KLHL29: variants seen among roughly 807,000 people sequenced by gnomAD.
KLHL29 encodes kelch like family member 29, also known as kelch-like protein 29.
A neutral mutation model predicts 80.4 loss-of-function variants in KLHL29; 21 were observed. The ratio of observed to expected loss-of-function variants is 0.26; its 90% CI spans 0.19 to 0.38. KLHL29 has a LOEUF of 0.38. Ranked by LOEUF, KLHL29 falls within the 10% of genes least tolerant of loss-of-function variation. The pLI is 1.00. For synonymous variants in KLHL29, 511 were observed against 526.8 expected, an observed-to-expected ratio of 0.97 and a Z score of 0.41; for missense variants, 867 against 1,223.9, an observed-to-expected ratio of 0.71 and a Z score of 4.35.
At chr2:23,476,644 G>A (rs1290349620) in intron 2 of KLHL29, among the ~76,000 whole-genome samples, 2 of 152,268 alleles carry the variant, frequency 1.3e-5, no homozygotes, top group Middle Eastern at 3.4e-3. Context: ...CCCTAACGAT[G>A]GACATTTAGC....
chr2:23,597,301 A>ATGTGTGTGTG (rs1668434110), intron 3 of KLHL29, among the ~76,000 whole-genome samples: 1 of 86,592 alleles, frequency 1.2e-5, no homozygotes, highest in Non-Finnish European at 2.3e-5. Context: ...TCTCTCATAT[A>ATGTGTGTGTG]TATATATATG....
chr2:23,518,092 T>A (rs1035970032), intron 2 of KLHL29, among the ~76,000 whole-genome samples: 7 of 152,118 alleles, frequency 4.6e-5, no homozygotes, highest in Non-Finnish European at 8.8e-5. Flanking sequence ...GAAGTAATAA[T>A]TAGAGTAACC....
chr2:23,557,846 A>C (rs1667337780), intron 2 of KLHL29, among the ~76,000 whole-genome samples: 1 of 152,172 alleles, frequency 6.6e-6, no homozygotes, highest in Non-Finnish European at 1.5e-5. Context: ...CTGATTTATC[A>C]CATCAGTCAG....
intron 1 of KLHL29, among the ~76,000 whole-genome samples, chr2:23,416,156 C>A (rs1056059211): frequency 6.6e-6 from 1 of 152,120 alleles, no homozygotes; most frequent in Non-Finnish European, 1.5e-5. Flanking sequence ...TTGTGTATTT[C>A]TTCTCTGCTA....
chr2:23,692,237 A>G (rs1671659781), intron 7 of KLHL29, among the ~76,000 whole-genome samples: 1 of 152,220 alleles, frequency 6.6e-6, no homozygotes, highest in Non-Finnish European at 1.5e-5. Context: ...CCCTGAACAA[A>G]GCAGCCCAAA....
At chr2:23,473,192 C>T (rs1043965104) in intron 1 of KLHL29, among the ~76,000 whole-genome samples, 2 of 152,172 alleles carry the variant, frequency 1.3e-5, no homozygotes, top group Non-Finnish European at 2.9e-5. Context: ...GGGGAACCAA[C>T]AGTCAACCCT....
At position 23,708,182 on chromosome 2, in the gene KLHL29, C is replaced by T. The variant is rs1672841244; in HGVS notation, c.*1518C>T. 1 of 152,240 alleles carries T rather than the reference C, an allele frequency of 6.6e-6. No homozygotes were observed. Among genetic ancestry groups the T allele is most frequent in the South Asian group, 2.1e-4 (1 of 4,826 alleles). 9.4% of individuals were successfully genotyped at this position (152,240 alleles called of 1,614,324 possible). A position where few individuals can be genotyped will look rare whatever the true frequency, so the allele number is the denominator to read the frequency against. On this transcript the variant is annotated 3_prime_UTR_variant, in exon 14 of 14. Transcript: ENST00000486442. ...CAGTTCTAACGTTGGGCATCAACTT[C>T]TAGCACTACGAGTGTGGCTCCCACT...
intron 2 of KLHL29, among the ~76,000 whole-genome samples, chr2:23,499,783 G>A (rs1398663925): frequency 6.6e-6 from 1 of 152,202 alleles, no homozygotes; most frequent in Non-Finnish European, 1.5e-5. Context: ...GCGGAACAGC[G>A]CAGCTGCTGT....
chr2:23,509,395 T>G (rs1572365643), intron 2 of KLHL29, among the ~76,000 whole-genome samples: 3 of 152,262 alleles, frequency 2.0e-5, no homozygotes, highest in African/African-American at 7.2e-5. Context: ...CTTGCCTTAC[T>G]CTGTGTGTGT....
intron 2 of KLHL29, among the ~76,000 whole-genome samples, chr2:23,531,537 C>T (rs1472098537): frequency 6.6e-6 from 1 of 152,164 alleles, no homozygotes; most frequent in Non-Finnish European, 1.5e-5. Context: ...TGCAGTCTGC[C>T]CTGGGACCAA....
At chr2:23,628,297 G>GT (rs1669372951) in intron 3 of KLHL29, among the ~76,000 whole-genome samples, 4 of 152,174 alleles carry the variant, frequency 2.6e-5, no homozygotes, top group Admixed American at 2.6e-4. Flanking sequence ...CAGTCTTGGG[G>GT]TTTTTTCTGG....
intron 3 of KLHL29, among the ~76,000 whole-genome samples, chr2:23,597,394 TATATATATATATA>T (rs1668446188): frequency 1.0e-5 from 1 of 98,694 alleles, no homozygotes; most frequent in African/African-American, 3.9e-5. Context: ...TATATATATA[TATATATATATATA>T]TTTTTTTTTT....
chr2:23,692,026 T>C (rs1428138514), intron 7 of KLHL29, 150 bp downstream of exon 7: 1 of 713,310 alleles, frequency 1.4e-6, no homozygotes, highest in Non-Finnish European at 2.3e-6. Flanking sequence ...TGTTTTAAGA[T>C]GGTAATTCAG....
At chr2:23,437,228 A>G (rs1177488621) in intron 1 of KLHL29, among the ~76,000 whole-genome samples, 3 of 152,242 alleles carry the variant, frequency 2.0e-5, no homozygotes, top group Non-Finnish European at 4.4e-5. Flanking sequence ...AATCTAGTTT[A>G]TCTGGGAGCA....
chr2:23,538,173 G>A (rs929211803), intron 2 of KLHL29, among the ~76,000 whole-genome samples: 1 of 152,108 alleles, frequency 6.6e-6, no homozygotes, highest in African/African-American at 2.4e-5. Context: ...GGTTTCTCTT[G>A]ACTCGTAGTC....
chr2:23,621,814 A>C (rs1163157604), intron 3 of KLHL29, among the ~76,000 whole-genome samples: 1 of 152,192 alleles, frequency 6.6e-6, no homozygotes, highest in African/African-American at 2.4e-5. Flanking sequence ...AGGGGGGTCC[A>C]GCATACCCTC....
intron 5 of KLHL29, among the ~76,000 whole-genome samples, chr2:23,683,458 A>G (rs1671148078): frequency 1.3e-5 from 2 of 152,220 alleles, no homozygotes; most frequent in Admixed American, 6.5e-5. Context: ...ACTTTTGCCA[A>G]TGAAAGAGAG....
chr2:23,617,319 T>C lies in KLHL29; in HGVS notation c.286-21820T>C, dbSNP rs187701746. ...GGGAAGGCAGTTCCAGGCTGGCCCA[T>C]GGTCACTGTGAAGCGCTCCTACTTA... On this transcript the variant is annotated intron_variant, in intron 3 of 13. Transcript: ENST00000486442. 7 of 152,346 alleles carry C rather than the reference T, an allele frequency of 4.6e-5. No homozygotes were observed. The East Asian group carries it at 1.4e-3, about 29-fold the overall frequency. The allele number at this position is 152,346 out of a possible 1,614,324, so 9.4% of individuals were successfully genotyped here. A position where few individuals can be genotyped will look rare whatever the true frequency, so the allele number is the denominator to read the frequency against.
intron 4 of KLHL29, 116 bp from the exon 5 acceptor site, chr2:23,642,222 A>G (rs972943729): frequency 1.0e-6 from 1 of 957,446 alleles, no homozygotes; most frequent in Non-Finnish European, 1.4e-6. Flanking sequence ...CAGTTCCTGG[A>G]CGCAGGTGTC....
Sources: allele counts gnomAD v4.1 joint callset (sites outside exome capture counted in the v4.1 genomes callset), GRCh38; gene constraint gnomAD v4.1.1; transcripts MANE v1.5; gene names NCBI Gene and HGNC (gene_info 2026-07-23, HGNC 2026-07-21).